The following ARFGEF3 variants were observed in gnomAD, a reference collection of about 807,000 sequenced individuals.
ARFGEF3 encodes brefeldin A-inhibited guanine nucleotide-exchange protein 3.
Under a neutral mutation model 221.7 loss-of-function variants are expected in ARFGEF3, and 96 were observed. The ratio of observed to expected loss-of-function variants is 0.43; its 90% CI spans 0.37 to 0.51. The LOEUF (loss-of-function observed/expected upper bound fraction) is 0.51. ARFGEF3 is among the 20% of genes least tolerant of loss of function. The pLI is 0.00. For synonymous variants in ARFGEF3, 1,145 were observed against 1,126.8 expected (o/e 1.02, Z -0.32); for missense variants, 2,410 against 2,789.9 (o/e 0.86, Z 3.07).
chr6:138,334,685 T>C lies in ARFGEF3; in HGVS notation c.5839T>C (p.Ser1947Pro). 1 of 1,611,514 alleles carries C rather than the reference T, an allele frequency of 6.2e-7. No homozygotes were observed. Among genetic ancestry groups the C allele is most frequent in the East Asian group, 2.2e-5 (1 of 44,808 alleles). ...CATCCTGCCCTCCTTCCAGTCCGAG[T>C]CATCCACCCCATCCACCGGGGGCTT... The part of the protein sequence containing the change: ...FFILPSFQSE[S>P]STPSTGGFSG... The change falls in exon 33 of 34, where the codon TCA (serine) becomes CCA (proline). Residue 1947 changes from serine (S) to proline (P), a missense_variant. Ser to Pro is a moderately conservative substitution (Grantham distance 74). Coordinates refer to ENST00000251691, the MANE Select transcript of ARFGEF3 (RefSeq NM_020340.5). The surrounding 1 kb of genome is among the most constrained non-coding windows in gnomAD (Gnocchi z 5.1).
At chr6:138,316,667 A>C (rs903054939) in intron 26 of ARFGEF3, among the ~76,000 whole-genome samples, 1 of 151,414 alleles carries the variant, frequency 6.6e-6, no homozygotes, top group Non-Finnish European at 1.5e-5. Context: ...CACCACTATC[A>C]CACCCAAAAT....
rs1230203902 is a variant in ARFGEF3, at chr6:138,245,504, G to C, written c.587-9G>C. On this transcript the variant is annotated splice_polypyrimidine_tract_variant and intron_variant, in intron 7 of 33. Transcript: ENST00000251691. Reference sequence around the variant, plus strand: ...ATGTCTCATGCCTGTAACCTCCTCTGTTTTGAAGGGTCAACAGTAGAGTCC... The same window carrying C: ...ATGTCTCATGCCTGTAACCTCCTCTCTTTTGAAGGGTCAACAGTAGAGTCC... 1 of 1,606,310 alleles carries C rather than the reference G, an allele frequency of 6.2e-7. No homozygotes were observed. Among genetic ancestry groups the C allele is most frequent in the Non-Finnish European group, 8.5e-7 (1 of 1,175,502 alleles).
At chr6:138,268,478 C>T (rs1015424153) in intron 12 of ARFGEF3, among the ~76,000 whole-genome samples, 6 of 152,192 alleles carry the variant, frequency 3.9e-5, no homozygotes, top group Non-Finnish European at 8.8e-5. Flanking sequence ...GCTAATATGC[C>T]ATTGAAATGA....
chr6:138,244,342 C>A (rs1243262976), intron 7 of ARFGEF3, among the ~76,000 whole-genome samples: 2 of 152,254 alleles, frequency 1.3e-5, no homozygotes, highest in Non-Finnish European at 2.9e-5. Context: ...ATACATTCAT[C>A]AGATACTTAG....
chr6:138,179,606 G>C (rs575511881), intron 2 of ARFGEF3, among the ~76,000 whole-genome samples: 1 of 152,110 alleles, frequency 6.6e-6, no homozygotes, highest in African/African-American at 2.4e-5. Flanking sequence ...TCGTCTTGAC[G>C]TGGGGACCTA....
chr6:138,228,193 T>TTTTTG (rs1778124163), intron 4 of ARFGEF3, among the ~76,000 whole-genome samples: 1 of 138,732 alleles, frequency 7.2e-6, no homozygotes, highest in Non-Finnish European at 1.5e-5. Context: ...TTTTTTTTTT[T>TTTTTG]TGAGATGGAG....
At chr6:138,178,986 C>T (rs1582996959) in intron 2 of ARFGEF3, among the ~76,000 whole-genome samples, 1 of 152,272 alleles carries the variant, frequency 6.6e-6, no homozygotes, top group African/African-American at 2.4e-5. Context: ...TGGTAGTAAT[C>T]AGGACTCTGA....
intron 8 of ARFGEF3, among the ~76,000 whole-genome samples, chr6:138,247,177 G>T (rs1031567285): frequency 4.6e-5 from 7 of 152,168 alleles, no homozygotes; most frequent in African/African-American, 1.7e-4. Flanking sequence ...TCCTACAGCA[G>T]ATGGATGTAA....
At chr6:138,207,907 A>G (rs1777652926) in intron 3 of ARFGEF3, among the ~76,000 whole-genome samples, 1 of 152,150 alleles carries the variant, frequency 6.6e-6, no homozygotes, top group South Asian at 2.1e-4. Flanking sequence ...AAGAGATAAA[A>G]CCTATGAAAT....
At position 138,278,494 on chromosome 6, in the gene ARFGEF3, C is replaced by A. The variant is rs1055415906; in HGVS notation, c.2172C>A (p.Ser724Arg). ...SPGFDGNSSL[S>R]FQMLMNADSL... ...GCTTTGACGGGAATAGCAGCCTCAG[C>A]TTCCAGATGCTGATGAACGCAGACA... Residue 724 changes from serine (S) to arginine (R), a missense_variant, in exon 13 of 34, where the codon AGC becomes AGA. Transcript: ENST00000251691. 1 of 1,613,892 alleles carries A rather than the reference C, an allele frequency of 6.2e-7. No individual in the cohort carries two copies. Among genetic ancestry groups the A allele is most frequent in the Non-Finnish European group, 8.5e-7 (1 of 1,179,892 alleles).
Position 138,297,008 on chromosome 6 carries a change from A to G in ARFGEF3, c.3648+53A>G, listed in dbSNP as rs1352495065. Reference sequence around the variant, plus strand: ...TGGAACTGCTAAGTCAGTGACCAGCAGAGCCAGCATGGGGGCCTGCAGTCA... The same window carrying G: ...TGGAACTGCTAAGTCAGTGACCAGCGGAGCCAGCATGGGGGCCTGCAGTCA... On this transcript the variant is annotated intron_variant, in intron 21 of 33. Coordinates refer to ENST00000251691, the MANE Select transcript of ARFGEF3 (RefSeq NM_020340.5). The G allele has an allele frequency of 4.4e-5, 69 of 1,562,500 alleles. 1 individual carries two copies. In the East Asian group the frequency reaches 1.6e-3, roughly 35 times the overall value.
chr6:138,252,101 C>G (rs752581301), intron 8 of ARFGEF3, among the ~76,000 whole-genome samples: 3 of 152,102 alleles, frequency 2.0e-5, no homozygotes, highest in Non-Finnish European at 2.9e-5. Flanking sequence ...TCAGCCTTTC[C>G]CCATTTCTTC....
Position 138,228,111 on chromosome 6 carries a change from A to G in ARFGEF3, c.352-1673A>G, listed in dbSNP as rs75199698. On this transcript the variant is annotated intron_variant, in intron 4 of 33. Coordinates refer to ENST00000251691, the MANE Select transcript of ARFGEF3 (RefSeq NM_020340.5). ...ATGAAACAAAAGAAAGCTATTTCCC[A>G]TGAGGCCAAGAGGCAGTTGCTACCC... Among the ~76,000 whole-genome samples the G allele has an allele frequency of 8.4e-3, 1,278 of 151,860 alleles. 5 individuals are homozygous for G. The highest frequency in any genetic ancestry group is 0.025 in the African/African-American group (1,015 of 41,394).
chr6:138,238,698 C>T, intron 6 of ARFGEF3, 67 bp downstream of exon 6: 4 of 1,532,122 alleles, frequency 2.6e-6, no homozygotes, highest in Non-Finnish European at 3.6e-6. Flanking sequence ...TGCCCCGGGG[C>T]CCCCACTGCC....
In ARFGEF3 at chr6:138,207,117, G is replaced by A. The variant is rs755244727; in HGVS notation, c.213G>A (p.Gly71=). 6.2e-7 allele frequency: 1 copy of A among 1,610,178 alleles called. No homozygotes were observed. Among genetic ancestry groups the A allele is most frequent in the East Asian group, 2.2e-5 (1 of 44,778 alleles). The change falls in exon 3 of 34, where the codon GGG becomes GGA. Residue 71 remains glycine (G), a synonymous_variant. Coordinates refer to ENST00000251691, the MANE Select transcript of ARFGEF3 (RefSeq NM_020340.5). ...AGCTGGCCCAACATGCTTTGGCAGGGATGCAGGTATGGCTTTGACTGAATG... is the reference window on the plus strand; with the variant it reads ...AGCTGGCCCAACATGCTTTGGCAGGAATGCAGGTATGGCTTTGACTGAATG... ...NVKLAQHALA[G]MQKLLSEERF...
intron 28 of ARFGEF3, 38 bp from the exon 29 acceptor site, chr6:138,321,073 A>T: frequency 8.3e-7 from 1 of 1,210,102 alleles, no homozygotes; most frequent in Non-Finnish European, 1.2e-6. Context: ...CCTTTACACT[A>T]GAGCTGTGTG....
At chr6:138,270,033 G>A (rs1778973817) in intron 12 of ARFGEF3, among the ~76,000 whole-genome samples, 1 of 151,966 alleles carries the variant, frequency 6.6e-6, no homozygotes, top group Non-Finnish European at 1.5e-5. Context: ...CTCATCTATA[G>A]TCTGAGCAAG....
intron 4 of ARFGEF3, among the ~76,000 whole-genome samples, chr6:138,210,832 T>C (rs775774968): frequency 6.6e-6 from 1 of 152,208 alleles, no homozygotes; most frequent in Non-Finnish European, 1.5e-5. Context: ...TTCCTGGAAA[T>C]GCACTGAAGG....
intron 2 of ARFGEF3, among the ~76,000 whole-genome samples, chr6:138,192,706 C>A (rs1281549584): frequency 6.6e-6 from 1 of 152,208 alleles, no homozygotes; most frequent in East Asian, 1.9e-4. Flanking sequence ...CGCTCCAGAG[C>A]ACTGTAAATG....
Sources: allele counts gnomAD v4.1 joint callset (sites outside exome capture counted in the v4.1 genomes callset), GRCh38; gene constraint gnomAD v4.1.1; non-coding constraint Gnocchi (gnomAD v3.1); transcripts MANE v1.5; gene names NCBI Gene and HGNC (gene_info 2026-07-23, HGNC 2026-07-21).